Variants in TBC1D5 observed in about 807,000 individuals in gnomAD.
TBC1D5 encodes TBC1 domain family, member 5.
In TBC1D5, 75 loss-of-function variants were observed where a neutral mutation model predicts 100.3. That is an observed-to-expected ratio of 0.75 (90% confidence interval 0.62 to 0.91). TBC1D5 has a LOEUF of 0.91. Among genes scored for constraint, TBC1D5 ranks in the 40% least tolerant of loss-of-function variants. The pLI is 0.00. For missense variants in TBC1D5, 910 were observed against 942.4 expected, an observed-to-expected ratio of 0.97 and a Z score of 0.45; for synonymous variants, 323 against 325.6, an observed-to-expected ratio of 0.99 and a Z score of 0.09.
intron 17 of TBC1D5, among the ~76,000 whole-genome samples, chr3:17,237,268 A>G (rs1008008649): frequency 6.6e-6 from 1 of 152,226 alleles, no homozygotes; most frequent in Non-Finnish European, 1.5e-5. Flanking sequence ...ATTTTTTGCC[A>G]TCAAGATACA....
chr3:17,200,045 T>A (rs1468879216), intron 18 of TBC1D5, among the ~76,000 whole-genome samples: 1 of 132,342 alleles, frequency 7.6e-6, no homozygotes, highest in African/African-American at 2.8e-5. Flanking sequence ...GAGCTTCCCT[T>A]TTCACAATTG....
At chr3:17,474,249 C>G (rs942784291) in intron 3 of TBC1D5, among the ~76,000 whole-genome samples, 1 of 152,070 alleles carries the variant, frequency 6.6e-6, no homozygotes, top group African/African-American at 2.4e-5. Context: ...AAATATTTTT[C>G]TAGAATATAA....
chr3:17,174,559 C>T (rs889198678), intron 19 of TBC1D5, among the ~76,000 whole-genome samples: 7 of 151,756 alleles, frequency 4.6e-5, no homozygotes, highest in Non-Finnish European at 1.0e-4. Flanking sequence ...CACTCCACAC[C>T]TCACCATTCC....
chr3:17,167,589 A>T (rs912408372), intron 20 of TBC1D5, among the ~76,000 whole-genome samples, 160 bp downstream of exon 21: 4 of 152,352 alleles, frequency 2.6e-5, no homozygotes, highest in African/African-American at 9.6e-5. Context: ...TGTTAGAAGC[A>T]GCGGGGGCAC....
intron 1 of TBC1D5, among the ~76,000 whole-genome samples, chr3:17,643,839 G>C (rs997655486): frequency 6.6e-6 from 1 of 152,028 alleles, no homozygotes. Context: ...TGCAAGTAAT[G>C]CATCACGATG....
At chr3:17,524,242 C>T (rs993425598) in intron 2 of TBC1D5, among the ~76,000 whole-genome samples, 1 of 152,052 alleles carries the variant, frequency 6.6e-6, no homozygotes, top group Non-Finnish European at 1.5e-5. Flanking sequence ...AATTTTTCAC[C>T]TATCAGAATG....
intron 1 of TBC1D5, among the ~76,000 whole-genome samples, chr3:17,703,912 T>TG (rs796775882): frequency 0.012 from 473 of 38,528 alleles, 6 homozygotes; most frequent in African/African-American, 0.027. Context: ...TGTTTTTTTT[T>TG]TGTTTTTTTT....
chr3:17,271,279 T>C (rs2079395645), intron 15 of TBC1D5, among the ~76,000 whole-genome samples: 1 of 152,202 alleles, frequency 6.6e-6, no homozygotes, highest in South Asian at 2.1e-4. Context: ...TTTTGTCACC[T>C]ATGATTTCTT....
intron 17 of TBC1D5, among the ~76,000 whole-genome samples, chr3:17,229,643 C>G (rs575077139): frequency 1.2e-4 from 19 of 152,208 alleles, no homozygotes; most frequent in South Asian, 2.1e-4. Flanking sequence ...TGATGATGTC[C>G]AGCAACAACC....
chr3:17,361,535 A>T (rs893311848), intron 13 of TBC1D5, among the ~76,000 whole-genome samples: 1 of 152,102 alleles, frequency 6.6e-6, no homozygotes, highest in Non-Finnish European at 1.5e-5. Context: ...AAACAGGCTT[A>T]AAAATCATAC....
At chr3:17,724,085 T>C (rs945020457) in intron 1 of TBC1D5, among the ~76,000 whole-genome samples, 2 of 151,064 alleles carry the variant, frequency 1.3e-5, no homozygotes, top group African/African-American at 4.9e-5. Context: ...CTTTTTTTTT[T>C]TTTTTTTTTT....
intron 19 of TBC1D5, among the ~76,000 whole-genome samples, chr3:17,180,061 A>G (rs2068265635): frequency 6.6e-6 from 1 of 152,246 alleles, no homozygotes; most frequent in Non-Finnish European, 1.5e-5. Context: ...TAATACTGTC[A>G]ATGGCTTTCA....
chr3:17,571,441 C>A, intron 2 of TBC1D5, among the ~76,000 whole-genome samples: 1 of 151,980 alleles, frequency 6.6e-6, no homozygotes, highest in East Asian at 1.9e-4. Context: ...TTCTCTCTAC[C>A]CTTAAGTTCT....
intron 13 of TBC1D5, among the ~76,000 whole-genome samples, chr3:17,328,178 G>C (rs138346599): frequency 6.6e-6 from 1 of 152,174 alleles, no homozygotes; most frequent in Non-Finnish European, 1.5e-5. Flanking sequence ...GCTGAAGTGG[G>C]AGGATCGCTT....
chr3:17,342,391 A>ACACATGCCTCTTATTTCAGAAT lies in TBC1D5; in HGVS notation c.995+29662_995+29683dup, dbSNP rs2089124190. 2.6e-5 allele frequency among the ~76,000 whole-genome samples: 4 copies of ACACATGCCTCTTATTTCAGAAT among 152,342 alleles called. No homozygotes were observed. The South Asian group carries it at 8.3e-4, about 32-fold the overall frequency. Reference sequence around the variant, plus strand: ...TCTGACATATGTCCACTCCATTGCTACACATGCCTCTTATTTCAGAATCAC... The same window carrying ACACATGCCTCTTATTTCAGAAT: ...TCTGACATATGTCCACTCCATTGCTACACATGCCTCTTATTTCAGAATCACATGCCTCTTATTTCAGAATCAC... On this transcript the variant is annotated intron_variant, in intron 13 of 21. Coordinates refer to ENST00000253692, the Ensembl canonical transcript of TBC1D5.
chr3:17,159,699 T>C (rs1411413473), exon 22 of TBC1D5: 2 of 152,338 alleles, frequency 1.3e-5, no homozygotes, highest in African/African-American at 4.8e-5. Flanking sequence ...GGAGAGTCTC[T>C]AATCTGTGCT....
At chr3:17,358,550 G>C (rs1243923215) in intron 13 of TBC1D5, among the ~76,000 whole-genome samples, 1 of 152,000 alleles carries the variant, frequency 6.6e-6, no homozygotes, top group East Asian at 1.9e-4. Context: ...TTAGGTCAGA[G>C]GTTCTCTTTA....
intron 3 of TBC1D5, among the ~76,000 whole-genome samples, chr3:17,480,510 T>C (rs2095489771): frequency 6.6e-6 from 1 of 152,214 alleles, no homozygotes; most frequent in Admixed American, 6.5e-5. Flanking sequence ...CAGCCAGGAC[T>C]ACCAGCTACG....
intron 1 of TBC1D5, among the ~76,000 whole-genome samples, chr3:17,632,907 TG>T (rs1358512551): frequency 6.6e-6 from 1 of 152,156 alleles, no homozygotes; most frequent in Non-Finnish European, 1.5e-5. Context: ...TGTGGTGGCC[TG>T]GAACTGAACC....
Sources: gnomAD v4.1 joint callset for allele counts (sites outside exome capture counted in the v4.1 genomes callset) on GRCh38, gnomAD v4.1.1 for gene constraint, MANE v1.5 for transcripts, NCBI Gene and HGNC (gene_info 2026-07-23, HGNC 2026-07-21) for gene names.